The following ACSL1 variants were observed in gnomAD, a reference collection of about 807,000 sequenced individuals.
ACSL1 encodes acyl-CoA synthetase long chain family member 1.
A neutral mutation model predicts 98.4 loss-of-function variants in ACSL1; 41 were observed. The ratio of observed to expected loss-of-function variants is 0.42; its 90% CI spans 0.32 to 0.54. The LOEUF is 0.54. ACSL1 is among the 20% of genes least tolerant of loss of function. The pLI is 0.13. For missense variants in ACSL1, 734 were observed against 883.1 expected (o/e 0.83, Z 2.14); for synonymous variants, 316 against 322.7 (o/e 0.98, Z 0.22).
At chr4:184,772,781 TC>T (rs1375500192) in intron 10 of ACSL1, among the ~76,000 whole-genome samples, 3 of 152,266 alleles carry the variant, frequency 2.0e-5, no homozygotes, top group African/African-American at 4.8e-5. Flanking sequence ...CCATCTCTTC[TC>T]TGTCCTTTCT....
chr4:184,784,560 G>A (rs945665824), intron 3 of ACSL1, among the ~76,000 whole-genome samples: 2 of 152,132 alleles, frequency 1.3e-5, no homozygotes, highest in African/African-American at 2.4e-5. Context: ...GACGTGAAGC[G>A]GTATCTGGGA....
At chr4:184,783,028 A>G (rs1579891735) in intron 4 of ACSL1, among the ~76,000 whole-genome samples, 1 of 152,284 alleles carries the variant, frequency 6.6e-6, no homozygotes, top group South Asian at 2.1e-4. Flanking sequence ...CCCCGAGAGC[A>G]GGAGAAGGGG....
intron 17 of ACSL1, among the ~76,000 whole-genome samples, chr4:184,760,972 T>C (rs1382637281): frequency 1.3e-5 from 2 of 152,232 alleles, no homozygotes; most frequent in Non-Finnish European, 2.9e-5. Flanking sequence ...CCTCGATGTC[T>C]GGAGGGGTGC....
intron 10 of ACSL1, among the ~76,000 whole-genome samples, chr4:184,772,721 A>G (rs1188714187): frequency 6.6e-6 from 1 of 152,230 alleles, no homozygotes; most frequent in Non-Finnish European, 1.5e-5. Context: ...GCCAATTTAA[A>G]ATAAATTATT....
At position 184,770,369 on chromosome 4, in the gene ACSL1, C is replaced by T. The variant is rs769480952; in HGVS notation, c.993+30G>A. The stretch of plus-strand genomic sequence containing the variant: ...AACAACTTAGCAGAACATACACAAA[C>T]AAGCAAGGAAAACAAAATTAAATGC... On this transcript the variant is annotated intron_variant, in intron 11 of 20. Coordinates refer to ENST00000281455, the MANE Select transcript of ACSL1 (RefSeq NM_001995.5). 8 of 1,610,410 alleles carry T rather than the reference C, an allele frequency of 5.0e-6. No individual in the cohort carries two copies. The African/African-American group carries it at 6.7e-5, about 13-fold the overall frequency.
intron 18 of ACSL1, 34 bp downstream of exon 18, chr4:184,760,323 A>G: frequency 6.2e-7 from 1 of 1,611,848 alleles, no homozygotes; most frequent in Non-Finnish European, 8.5e-7. Flanking sequence ...GGCAATGTGT[A>G]TGCAGCAAGA....
chr4:184,779,389 C>A (rs558249004), intron 5 of ACSL1, among the ~76,000 whole-genome samples: 1 of 152,340 alleles, frequency 6.6e-6, no homozygotes, highest in East Asian at 1.9e-4. Context: ...TGAGGCCCCC[C>A]CAGCCATGTG....
upstream of ACSL1, among the ~76,000 whole-genome samples, chr4:184,826,351 C>T (rs1773490615): frequency 6.6e-6 from 1 of 152,098 alleles, no homozygotes; most frequent in Non-Finnish European, 1.5e-5. Flanking sequence ...GCCCGAGGGG[C>T]GGGCGGCGCC....
Position 184,773,785 on chromosome 4 carries a change from A to G in ACSL1, c.789+58T>C. 6.2e-7 allele frequency: 1 copy of G among 1,613,202 alleles called. No homozygotes were observed. On this transcript the variant is annotated intron_variant, in intron 8 of 20. Transcript: ENST00000281455. This position sits in a 1 kb window ranked among gnomAD's most constrained non-coding sequence, Gnocchi z 4.3. ...AGAGAACTATAAGCCACAAGGTACC[A>G]GGCTAGATATTGAAAACTACAAAGA... is the stretch of plus-strand genomic sequence containing the variant.
intron 1 of ACSL1, among the ~76,000 whole-genome samples, chr4:184,811,136 T>G (rs1283318014): frequency 6.6e-6 from 1 of 151,346 alleles, no homozygotes; most frequent in Non-Finnish European, 1.5e-5. Context: ...TGAGACAGAG[T>G]CTCACTTTGT....
chr4:184,763,532 C>T (rs1763154256), intron 15 of ACSL1, among the ~76,000 whole-genome samples: 1 of 152,192 alleles, frequency 6.6e-6, no homozygotes, highest in African/African-American at 2.4e-5. Flanking sequence ...CTACAAACAC[C>T]TGGAAGCAGC....
At chr4:184,812,150 T>A in intron 1 of ACSL1, 1 of 981,354 alleles carries the variant, frequency 1.0e-6, no homozygotes, top group Admixed American at 6.1e-5. Flanking sequence ...ACCTCCTGTC[T>A]TACACTTACA....
At chr4:184,808,884 T>C (rs1421812923) in intron 1 of ACSL1, among the ~76,000 whole-genome samples, 1 of 152,204 alleles carries the variant, frequency 6.6e-6, no homozygotes, top group Non-Finnish European at 1.5e-5. Flanking sequence ...CCTATCCCAC[T>C]GATCTCCCTG....
Position 184,803,343 on chromosome 4 carries a change from A to G in ACSL1, c.172T>C (p.Ser58Pro). 1 of 1,605,616 alleles carries G rather than the reference A, an allele frequency of 6.2e-7. No individual in the cohort carries two copies. Among genetic ancestry groups the G allele is most frequent in the Non-Finnish European group, 8.5e-7 (1 of 1,175,852 alleles). ...PKPLKPPCDLSMQSVEVAGSG... is the reference protein window; with the variant it reads ...PKPLKPPCDLPMQSVEVAGSG... Reference sequence around the variant, plus strand: ...ACCGCCACTTCCACTGACTGCATGGAGAGGTCGCATGGCGGCTTCAGGGGT... The same window carrying G: ...ACCGCCACTTCCACTGACTGCATGGGGAGGTCGCATGGCGGCTTCAGGGGT... Residue 58 changes from serine to proline, a missense_variant, in exon 2 of 21, where the codon TCC becomes CCC. Transcript: ENST00000281455. The surrounding 1 kb of genome is among the most constrained non-coding windows in gnomAD (Gnocchi z 4.8).
chr4:184,808,772 CA>C (rs1771740734), intron 1 of ACSL1, among the ~76,000 whole-genome samples: 2 of 152,170 alleles, frequency 1.3e-5, no homozygotes, highest in South Asian at 4.1e-4. Context: ...CCTTTTGAAC[CA>C]AAAGAGCAGT....
At chr4:184,784,772 G>C (rs1313729963) in intron 3 of ACSL1, among the ~76,000 whole-genome samples, 1 of 152,206 alleles carries the variant, frequency 6.6e-6, no homozygotes, top group Non-Finnish European at 1.5e-5. Flanking sequence ...GACAACGGCA[G>C]TGTGCTGCAC....
chr4:184,825,540 T>G lies in ACSL1; in HGVS notation c.-33+376A>C, dbSNP rs911731943. Among the ~76,000 whole-genome samples the G allele has an allele frequency of 6.6e-6, 1 of 151,504 alleles. No individual in the cohort carries two copies. The highest frequency in any genetic ancestry group is 1.5e-5 in the Non-Finnish European group (1 of 67,826). ...ACGAGGGCAACGTCAGCGGCCCAGC[T>G]GGGCCACCTCCTCCCAGCCGAAGCG... On this transcript the variant is annotated intron_variant, in intron 1 of 20. Transcript: ENST00000281455. This position sits in a 1 kb window ranked among gnomAD's most constrained non-coding sequence, Gnocchi z 4.7.
intron 3 of ACSL1, among the ~76,000 whole-genome samples, chr4:184,786,344 G>C (rs1188903084): frequency 6.6e-6 from 1 of 151,744 alleles, no homozygotes; most frequent in African/African-American, 2.4e-5. Flanking sequence ...TGGTTTTCAA[G>C]TTACAGTTTC....
intron 1 of ACSL1, chr4:184,805,924 T>A (rs988503179): frequency 6.6e-6 from 1 of 152,152 alleles, no homozygotes; most frequent in African/African-American, 2.4e-5. Context: ...TTTAAACCAC[T>A]GAAATGAAGG....
Sources: gnomAD v4.1 joint callset for allele counts (sites outside exome capture counted in the v4.1 genomes callset) on GRCh38, gnomAD v4.1.1 for gene constraint, Gnocchi (gnomAD v3.1) non-coding constraint, MANE v1.5 for transcripts, NCBI Gene and HGNC (gene_info 2026-07-23, HGNC 2026-07-21) for gene names.